The following TCF12 variants were observed in gnomAD, a reference collection of about 807,000 sequenced individuals.
The protein encoded by TCF12 is transcription factor 12, also known as DNA-binding protein HTF4.
In TCF12, 45 loss-of-function variants were observed where a neutral mutation model predicts 86.0. The observed-to-expected ratio is 0.52, with a 90% CI of 0.41 to 0.67. The LOEUF is 0.67. TCF12 is among the 30% of genes least tolerant of loss of function. The pLI, the probability that TCF12 is intolerant of heterozygous loss-of-function variation, is 0.00. For synonymous variants in TCF12, 330 were observed against 299.6 expected (o/e 1.10, Z -1.05); for missense variants, 881 against 859.9 (o/e 1.02, Z -0.31).
chr15:57,173,108 A>G (rs146795887), intron 6 of TCF12, among the ~76,000 whole-genome samples: 1 of 152,294 alleles, frequency 6.6e-6, no homozygotes, highest in Non-Finnish European at 1.5e-5. Flanking sequence ...TGTCAGTAAG[A>G]TATCTAGAAA....
chr15:56,971,059 A>G (rs2062287536), intron 3 of TCF12, among the ~76,000 whole-genome samples: 1 of 152,206 alleles, frequency 6.6e-6, no homozygotes, highest in Non-Finnish European at 1.5e-5. Flanking sequence ...AAACACAAAC[A>G]AACAAAAAAT....
chr15:57,197,788 A>G lies in TCF12; in HGVS notation c.542A>G (p.Lys181Arg). ...CCATCTGCAGATCCCTTGCAAGCAAAAAAAGTCAGAAAGGTGCCTCCTGGT... is the reference window on the plus strand; with the variant it reads ...CCATCTGCAGATCCCTTGCAAGCAAGAAAAGTCAGAAAGGTGCCTCCTGGT... ...DSAALDPLQAKKVRKVPPGLP... is the reference protein window; with the variant it reads ...DSAALDPLQARKVRKVPPGLP... The change falls in exon 8 of 21, where the codon AAA (lysine) becomes AGA (arginine). Residue 181 changes from lysine to arginine, a missense_variant. Transcript: ENST00000333725. 1 of 1,614,068 alleles carries G rather than the reference A, an allele frequency of 6.2e-7. No homozygotes were observed. The highest frequency in any genetic ancestry group is 1.7e-4 in the Middle Eastern group (1 of 6,060).
chr15:57,107,244 C>G (rs1287787910), intron 5 of TCF12, among the ~76,000 whole-genome samples: 1 of 150,330 alleles, frequency 6.7e-6, no homozygotes, highest in Non-Finnish European at 1.5e-5. Context: ...AAGAAATGAG[C>G]TATCAAGCCA....
At chr15:56,938,829 C>T (rs1326885692) in intron 3 of TCF12, among the ~76,000 whole-genome samples, 1 of 152,116 alleles carries the variant, frequency 6.6e-6, no homozygotes, top group Non-Finnish European at 1.5e-5. Context: ...AGGATGCAAA[C>T]ATTCAGTCCA....
At chr15:57,171,124 A>G (rs1344701495) in intron 6 of TCF12, among the ~76,000 whole-genome samples, 1 of 151,962 alleles carries the variant, frequency 6.6e-6, no homozygotes, top group Non-Finnish European at 1.5e-5. Context: ...TGGAGAGATC[A>G]GGAAGGCCTA....
At chr15:56,995,136 A>G (rs1360169722) in intron 3 of TCF12, among the ~76,000 whole-genome samples, 1 of 150,800 alleles carries the variant, frequency 6.6e-6, no homozygotes, top group Non-Finnish European at 1.5e-5. Flanking sequence ...GTAGGTTAGA[A>G]TTACAATGGA....
At chr15:56,960,434 T>C (rs2061692939) in intron 3 of TCF12, among the ~76,000 whole-genome samples, 1 of 150,492 alleles carries the variant, frequency 6.6e-6, no homozygotes. Flanking sequence ...TATTGTATTT[T>C]TTTTTTTTTT....
intron 3 of TCF12, among the ~76,000 whole-genome samples, chr15:56,996,133 G>T (rs2063701564): frequency 1.3e-5 from 2 of 152,268 alleles, no homozygotes; most frequent in South Asian, 4.1e-4. Context: ...CAGGAATAAA[G>T]CCTACTTGAT....
intron 3 of TCF12, among the ~76,000 whole-genome samples, chr15:57,052,198 T>C (rs2067679221): frequency 6.6e-6 from 1 of 152,202 alleles, no homozygotes; most frequent in South Asian, 2.1e-4. Context: ...ATGAGAACAG[T>C]GTGCTAATAT....
chr15:57,046,435 TTTTGTTTG>T (rs148324656), intron 3 of TCF12, among the ~76,000 whole-genome samples: 1 of 152,036 alleles, frequency 6.6e-6, no homozygotes, highest in East Asian at 1.9e-4. Context: ...CTGACATTGT[TTTTGTTTG>T]TTTGTTTGTT....
chr15:57,114,433 G>A (rs1483971513), intron 5 of TCF12, among the ~76,000 whole-genome samples: 1 of 152,110 alleles, frequency 6.6e-6, no homozygotes, highest in Non-Finnish European at 1.5e-5. Flanking sequence ...CGGGAGTACA[G>A]GTGCACACCA....
At position 57,273,157 on chromosome 15, in the gene TCF12, G is replaced by A. The variant is rs1247441274; in HGVS notation, c.1873G>A (p.Gly625Ser). 6.2e-7 allele frequency: 1 copy of A among 1,614,074 alleles called. No homozygotes were observed. The highest frequency in any genetic ancestry group is 8.5e-7 in the Non-Finnish European group (1 of 1,180,046). ...RDINEAFKEL[G>S]RMCQLHLKSE... ...TATTAATGAAGCATTCAAAGAGCTTGGCCGAATGTGTCAGCTTCACTTGAA... is the reference window on the plus strand; with the variant it reads ...TATTAATGAAGCATTCAAAGAGCTTAGCCGAATGTGTCAGCTTCACTTGAA... The change falls in exon 19 of 21, where the codon GGC becomes AGC. Residue 625 changes from glycine to serine, a missense_variant. Around this residue, in one of 3 missense-constraint regions of TCF12, gnomAD observed 46 missense variants for 76.7 expected, o/e 0.60. Transcript: ENST00000333725.
intron 18 of TCF12, among the ~76,000 whole-genome samples, chr15:57,265,559 A>G (rs1440603014): frequency 2.6e-5 from 4 of 152,176 alleles, no homozygotes; most frequent in Non-Finnish European, 4.4e-5. Flanking sequence ...AAATGTATGC[A>G]TAGTTCACAT....
intron 5 of TCF12, among the ~76,000 whole-genome samples, chr15:57,153,035 A>G (rs8032176): frequency 3.9e-4 from 59 of 152,352 alleles, no homozygotes; most frequent in African/African-American, 1.4e-3. Flanking sequence ...TGATAGTGAT[A>G]TCTCTAATGT....
At chr15:57,087,091 G>C (rs2962989) in intron 4 of TCF12, among the ~76,000 whole-genome samples, 12,589 of 135,726 alleles carry the variant, frequency 0.093, 984 homozygotes, top group African/African-American at 0.23. Flanking sequence ...GTCTCCCTCT[G>C]TCTCCCTCTC....
At chr15:57,182,471 G>A (rs1364571245) in intron 6 of TCF12, among the ~76,000 whole-genome samples, 1 of 151,926 alleles carries the variant, frequency 6.6e-6, no homozygotes, top group Non-Finnish European at 1.5e-5. Context: ...TTTCTTAAGA[G>A]TACTGAAGAA....
At chr15:57,219,318 G>A (rs2058469009) in intron 8 of TCF12, 1 of 1,223,966 alleles carries the variant, frequency 8.2e-7, no homozygotes, top group Non-Finnish European at 1.0e-6. Flanking sequence ...GGACTTGATG[G>A]AAATTGAAAG....
At chr15:57,085,361 A>G (rs1258520463) in intron 4 of TCF12, among the ~76,000 whole-genome samples, 1 of 152,230 alleles carries the variant, frequency 6.6e-6, no homozygotes, top group East Asian at 1.9e-4. Flanking sequence ...TTAAAATACT[A>G]TTAAGTAGCT....
At chr15:57,049,490 C>T (rs2067468463) in intron 3 of TCF12, among the ~76,000 whole-genome samples, 1 of 152,190 alleles carries the variant, frequency 6.6e-6, no homozygotes, top group Non-Finnish European at 1.5e-5. Flanking sequence ...TCTTTTGTGT[C>T]TGGCTGCTTT....
Sources: gnomAD v4.1 joint callset for allele counts (sites outside exome capture counted in the v4.1 genomes callset) on GRCh38, gnomAD v4.1.1 for gene constraint, gnomAD v4.1.1 regional missense constraint, MANE v1.5 for transcripts, NCBI Gene and HGNC (gene_info 2026-07-23, HGNC 2026-07-21) for gene names.